ARB2A: variants seen among roughly 807,000 people sequenced by gnomAD.
ARB2A encodes cotranscriptional regulator ARB2A.
the ARB2A span, among the ~76,000 whole-genome samples, chr5:93,950,083 T>A: frequency 6.6e-6 from 1 of 152,196 alleles, no homozygotes; most frequent in African/African-American, 2.4e-5. Flanking sequence ...ATTGCATATA[T>A]GTACCACATT....
chr5:93,949,250 C>T, the ARB2A span, among the ~76,000 whole-genome samples: 30 of 151,992 alleles, frequency 2.0e-4, no homozygotes, highest in East Asian at 4.7e-3. Context: ...TTACATCAGG[C>T]GTGAGCCACT....
the ARB2A span, among the ~76,000 whole-genome samples, chr5:94,063,839 C>T: frequency 1.3e-5 from 2 of 152,186 alleles, no homozygotes; most frequent in African/African-American, 4.8e-5. Flanking sequence ...ACCATAGATA[C>T]ATTTTAAGAA....
At chr5:93,812,510 G>A in the ARB2A span, among the ~76,000 whole-genome samples, 46 of 152,200 alleles carry the variant, frequency 3.0e-4, no homozygotes, top group African/African-American at 1.0e-3. Flanking sequence ...GGATTTCTAC[G>A]GTAGGAGAAA....
chr5:93,856,369 CAG>C, the ARB2A span, among the ~76,000 whole-genome samples: 2 of 152,202 alleles, frequency 1.3e-5, no homozygotes, highest in Non-Finnish European at 2.9e-5. Flanking sequence ...TAATATCCTG[CAG>C]AGTGTTTTCC....
chr5:94,019,854 A>C, the ARB2A span, among the ~76,000 whole-genome samples: 73 of 152,218 alleles, frequency 4.8e-4, no homozygotes, highest in Non-Finnish European at 9.1e-4. Flanking sequence ...ATCTGGTGTA[A>C]TTATTTGAAT....
At chr5:93,953,009 ATC>A in the ARB2A span, among the ~76,000 whole-genome samples, 1 of 151,976 alleles carries the variant, frequency 6.6e-6, no homozygotes, top group Non-Finnish European at 1.5e-5. Context: ...TATTATTTCA[ATC>A]TCTTTGTTAA....
At chr5:93,978,854 G>C in the ARB2A span, among the ~76,000 whole-genome samples, 1 of 151,968 alleles carries the variant, frequency 6.6e-6, no homozygotes, top group Non-Finnish European at 1.5e-5. Flanking sequence ...TGGCTGGAAC[G>C]GGTGGGGTGG....
the ARB2A span, among the ~76,000 whole-genome samples, chr5:94,018,827 G>A: frequency 2.0e-5 from 3 of 151,864 alleles, no homozygotes; most frequent in African/African-American, 7.2e-5. Context: ...ATTTCATATG[G>A]AACGAAAAAA....
the ARB2A span, among the ~76,000 whole-genome samples, chr5:94,090,435 G>A: frequency 1.3e-5 from 2 of 152,264 alleles, no homozygotes; most frequent in South Asian, 2.1e-4. Context: ...ATGAGATGAT[G>A]GGGTTTTCTA....
At chr5:93,868,393 C>T in the ARB2A span, among the ~76,000 whole-genome samples, 2 of 152,128 alleles carry the variant, frequency 1.3e-5, no homozygotes, top group Non-Finnish European at 1.5e-5. Flanking sequence ...GTTACATTGC[C>T]ATGCTATGTC....
chr5:93,856,194 A>C, the ARB2A span, among the ~76,000 whole-genome samples: 1 of 152,272 alleles, frequency 6.6e-6, no homozygotes, highest in South Asian at 2.1e-4. Context: ...GGGTAACCCG[A>C]CCTTTCTCTC....
the ARB2A span, among the ~76,000 whole-genome samples, chr5:93,888,082 C>A: frequency 6.6e-6 from 1 of 151,814 alleles, no homozygotes; most frequent in African/African-American, 2.4e-5. Context: ...TTTGCACTTA[C>A]CCATATTATC....
the ARB2A span, among the ~76,000 whole-genome samples, chr5:93,885,260 G>C: frequency 6.6e-6 from 1 of 151,444 alleles, no homozygotes; most frequent in Non-Finnish European, 1.5e-5. Context: ...ATAATATCAG[G>C]CATCAAGTAT....
the ARB2A span, among the ~76,000 whole-genome samples, chr5:93,815,106 G>T: frequency 6.6e-6 from 1 of 152,148 alleles, no homozygotes; most frequent in African/African-American, 2.4e-5. Flanking sequence ...GCCTCCCAAA[G>T]AATTGGGATT....
At chr5:93,978,853 C>T in the ARB2A span, among the ~76,000 whole-genome samples, 7 of 151,502 alleles carry the variant, frequency 4.6e-5, no homozygotes, top group Admixed American at 1.3e-4. Flanking sequence ...GTGGCTGGAA[C>T]GGGTGGGGTG....
the ARB2A span, among the ~76,000 whole-genome samples, chr5:94,108,760 G>C: frequency 6.6e-6 from 1 of 152,130 alleles, no homozygotes; most frequent in East Asian, 1.9e-4. Flanking sequence ...GTGGCAAAAT[G>C]TTGGTGAGGA....
At chr5:94,061,100 T>C in the ARB2A span, among the ~76,000 whole-genome samples, 4 of 152,180 alleles carry the variant, frequency 2.6e-5, no homozygotes, top group African/African-American at 7.2e-5. Context: ...TAGCCGGGCA[T>C]GGTGGCGGGT....
At chr5:93,913,196 G>T in the ARB2A span, among the ~76,000 whole-genome samples, 1 of 151,912 alleles carries the variant, frequency 6.6e-6, no homozygotes, top group South Asian at 2.1e-4. Flanking sequence ...GGTCCCATAT[G>T]TAGAGTTTCT....
At chr5:93,687,577 C>A in the ARB2A span, among the ~76,000 whole-genome samples, 1 of 152,022 alleles carries the variant, frequency 6.6e-6, no homozygotes. Context: ...TGAAAAATAT[C>A]CAAACTAAAA....
Sources: allele counts gnomAD v4.1 joint callset (sites outside exome capture counted in the v4.1 genomes callset), GRCh38; gene constraint gnomAD v4.1.1; transcripts MANE v1.5; gene names NCBI Gene and HGNC (gene_info 2026-07-23, HGNC 2026-07-21).